Variants in ICE2 observed in about 807,000 individuals in gnomAD.
ICE2 encodes interactor of little elongation complex ELL subunit 2.
ICE2 carries 87 observed loss-of-function variants against 105.4 expected under a neutral mutation model. The ratio of observed to expected loss-of-function variants is 0.83; its 90% CI spans 0.69 to 0.99. The LOEUF (loss-of-function observed/expected upper bound fraction) is 0.99, where lower values mean the gene tolerates loss of function less well. ICE2 is among the 50% of genes least tolerant of loss of function. The probability of loss-of-function intolerance (pLI) is 0.00; values close to 1 mark genes in which losing one functional copy is unlikely to be tolerated. For synonymous variants in ICE2, 399 were observed against 392.0 expected, an observed-to-expected ratio of 1.02 and a Z score of -0.21; for missense variants, 1,323 against 1,146.7, an observed-to-expected ratio of 1.15 and a Z score of -2.22.
chr15:60,474,140 T>C (rs1728166146), intron 3 of ICE2, among the ~76,000 whole-genome samples: 1 of 152,074 alleles, frequency 6.6e-6, no homozygotes, highest in South Asian at 2.1e-4. Context: ...TCAAGTCATC[T>C]TCCTGCCTTA....
intron 15 of ICE2, among the ~76,000 whole-genome samples, chr15:60,425,758 C>T (rs941590749): frequency 6.6e-6 from 1 of 152,144 alleles, no homozygotes; most frequent in African/African-American, 2.4e-5. Flanking sequence ...GGTCTTACTT[C>T]CCTGGTTTCC....
intron 6 of ICE2, 36 bp downstream of exon 6, chr15:60,456,621 A>C (rs376787104): frequency 1.4e-5 from 19 of 1,333,882 alleles, no homozygotes; most frequent in Non-Finnish European, 1.8e-5. Flanking sequence ...TATTTCAGAC[A>C]AAAAAAAGCT....
Position 60,442,462 on chromosome 15 carries a change from G to C in ICE2, c.2379C>G (p.Arg793=), listed in dbSNP as rs1242465603. 1.2e-6 allele frequency: 2 copies of C among 1,600,828 alleles called. No individual in the cohort carries two copies. Among genetic ancestry groups the C allele is most frequent in the South Asian group, 2.3e-5 (2 of 87,474 alleles). ...AATGCAATAAACTTTCAGTCCATAA[G>C]CGACAAAGTTCACTTTCAGTCAGAG... ...VEALTESELC[R]LWTESLLHSN... The change falls in exon 12 of 16, where the codon CGC becomes CGG. Residue 793 remains arginine, a synonymous_variant. Transcript: ENST00000261520.
At chr15:60,475,336 G>A (rs1202472837) in intron 3 of ICE2, among the ~76,000 whole-genome samples, 1 of 152,086 alleles carries the variant, frequency 6.6e-6, no homozygotes, top group Non-Finnish European at 1.5e-5. Context: ...AAAACCTTTA[G>A]CAATTTGGCA....
chr15:60,435,626 C>T (rs1414867475), intron 13 of ICE2, among the ~76,000 whole-genome samples: 1 of 150,222 alleles, frequency 6.7e-6, no homozygotes. Flanking sequence ...ATCACATGTA[C>T]CCCAAAATAC....
At position 60,449,482 on chromosome 15, in the gene ICE2, T is replaced by C. The variant is rs2063907519; in HGVS notation, c.1485A>G (p.Val495=). ...GTATCAAAGGCTTGTCAGAATTTGA[T>C]ACCTTTTCACATGATTCAAATCCCT... is the stretch of plus-strand genomic sequence containing the variant. The part of the protein sequence containing the change: ...DDQGFESCEK[V]SNSDKPLIQD... Residue 495 remains valine, a synonymous_variant, in exon 10 of 16, where the codon GTA becomes GTG. Coordinates refer to ENST00000261520, the MANE Select transcript of ICE2 (RefSeq NM_024611.6). 2 of 1,614,206 alleles carry C rather than the reference T, an allele frequency of 1.2e-6. No homozygotes were observed. Among genetic ancestry groups the C allele is most frequent in the South Asian group, 1.1e-5 (1 of 91,088 alleles).
intron 9 of ICE2, chr15:60,453,109 G>T: frequency 1.7e-6 from 1 of 597,526 alleles, no homozygotes; most frequent in Non-Finnish European, 2.1e-6. Context: ...GTGCACACCT[G>T]TAATCTCAGC....
chr15:60,427,898 A>G (rs1352743827), intron 15 of ICE2, among the ~76,000 whole-genome samples: 1 of 152,238 alleles, frequency 6.6e-6, no homozygotes, highest in East Asian at 1.9e-4. Flanking sequence ...TTCAGTAAAT[A>G]CTGAGTTACA....
intron 11 of ICE2, 99 bp from the exon 12 acceptor site, chr15:60,442,644 G>C: frequency 4.5e-6 from 4 of 887,582 alleles, no homozygotes; most frequent in Non-Finnish European, 6.9e-6. Flanking sequence ...AATGCTTTCA[G>C]GTAATCTTAT....
At chr15:60,457,693 C>G (rs2141102268) in intron 5 of ICE2, among the ~76,000 whole-genome samples, 1 of 152,288 alleles carries the variant, frequency 6.6e-6, no homozygotes, top group South Asian at 2.1e-4. Context: ...TTTCTAATCT[C>G]TACTGCCTGC....
intron 3 of ICE2, among the ~76,000 whole-genome samples, chr15:60,473,277 T>A (rs1170524382): frequency 6.6e-6 from 1 of 151,298 alleles, no homozygotes; most frequent in Non-Finnish European, 1.5e-5. Context: ...AGTGAGTGAG[T>A]GAGAGAGAGA....
At chr15:60,439,419 C>T (rs56261931) in intron 12 of ICE2, 32,205 of 151,964 alleles carry the variant, frequency 0.21, 3,810 homozygotes, top group Middle Eastern at 0.32. Context: ...CTCACTCTGT[C>T]GGCCAGGTTG....
At chr15:60,442,289 A>G in intron 12 of ICE2, 127 bp downstream of exon 12, 2 of 858,522 alleles carry the variant, frequency 2.3e-6, no homozygotes, top group Non-Finnish European at 1.8e-6. Context: ...TGAGACCCTA[A>G]AACTAATAAA....
Position 60,479,107 on chromosome 15 carries a change from G to A in ICE2, c.-197C>T, listed in dbSNP as rs979609901. ...GCGCCCAAAAAAGACCATATTTAAA[G>A]GATGTGGCCGCGCCGACTCGGCCCT... On this transcript the variant is annotated 5_prime_UTR_variant, in exon 1 of 16. Coordinates refer to ENST00000261520, the MANE Select transcript of ICE2 (RefSeq NM_024611.6). 4.6e-6 allele frequency: 2 copies of A among 430,916 alleles called. No homozygotes were observed. Among genetic ancestry groups the A allele is most frequent in the Admixed American group, 2.4e-5 (1 of 41,540 alleles). The allele number at this position is 430,916 out of a possible 1,614,324, so 26.7% of individuals were successfully genotyped here.
At chr15:60,429,844 A>G (rs2063417636) in intron 14 of ICE2, among the ~76,000 whole-genome samples, 1 of 152,214 alleles carries the variant, frequency 6.6e-6, no homozygotes, top group African/African-American at 2.4e-5. Flanking sequence ...GTTTTAATCA[A>G]TGAAAATCAT....
intron 15 of ICE2, among the ~76,000 whole-genome samples, chr15:60,426,282 T>C (rs2063336390): frequency 6.6e-6 from 1 of 152,190 alleles, no homozygotes; most frequent in African/African-American, 2.4e-5. Flanking sequence ...CAGTGCAATG[T>C]ATTACCTTGT....
chr15:60,447,841 CAAA>C, intron 11 of ICE2, 126 bp downstream of exon 11: 1 of 764,608 alleles, frequency 1.3e-6, no homozygotes. Flanking sequence ...AAACAAAAAA[CAAA>C]AAACAAAACT....
Position 60,479,026 on chromosome 15 carries a change from C to T in ICE2, c.-116G>A, listed in dbSNP as rs1330676328. 2.2e-6 allele frequency: 1 copy of T among 455,894 alleles called. No individual in the cohort carries two copies. Among genetic ancestry groups the T allele is most frequent in the Non-Finnish European group, 4.4e-6 (1 of 226,758 alleles). The allele number at this position is 455,894 out of a possible 1,614,324, so 28.2% of individuals were successfully genotyped here. ...ACCTCATGGTCCGCGGCGGCTCTTG[C>T]CCAGGCCGCAGCCACACACCACACA... On this transcript the variant is annotated 5_prime_UTR_variant, in exon 1 of 16. Coordinates refer to ENST00000261520, the MANE Select transcript of ICE2 (RefSeq NM_024611.6).
At position 60,468,139 on chromosome 15, in the gene ICE2, G is replaced by A; in HGVS notation, c.330C>T (p.Asp110=). ...GAATCTTTGCGTATTTAACCAACAA[G>A]TCCACATAACTCCTCTGCTCTCTCT... ...FSQREQRSYV[D]LLVKYAKIPA... The change falls in exon 4 of 16, where the codon GAC becomes GAT. Residue 110 remains aspartate (D), a synonymous_variant. Transcript: ENST00000261520. The A allele has an allele frequency of 6.2e-7, 1 of 1,613,974 alleles. No homozygotes were observed. Among genetic ancestry groups the A allele is most frequent in the Non-Finnish European group, 8.5e-7 (1 of 1,179,960 alleles).
Sources: allele counts gnomAD v4.1 joint callset (sites outside exome capture counted in the v4.1 genomes callset), GRCh38; gene constraint gnomAD v4.1.1; transcripts MANE v1.5; gene names NCBI Gene and HGNC (gene_info 2026-07-23, HGNC 2026-07-21).